The following EPHA4 variants were observed in gnomAD, a reference collection of about 807,000 sequenced individuals.
EPHA4 encodes ephrin type-A receptor 4.
Under a neutral mutation model 108.3 loss-of-function variants are expected in EPHA4, and 19 were observed. The observed-to-expected ratio is 0.18, with a 90% CI of 0.12 to 0.26. The LOEUF is 0.26. EPHA4 is among the 10% of genes least tolerant of loss of function. EPHA4 has a pLI of 1.00. For synonymous variants in EPHA4, 449 were observed against 455.5 expected, an observed-to-expected ratio of 0.99 and a Z score of 0.18; for missense variants, 917 against 1,254.0, an observed-to-expected ratio of 0.73 and a Z score of 4.06.
At chr2:221,449,643 C>T (rs1299830684) in intron 8 of EPHA4, among the ~76,000 whole-genome samples, 2 of 152,154 alleles carry the variant, frequency 1.3e-5, no homozygotes, top group Non-Finnish European at 2.9e-5. Context: ...TGCAGAACAG[C>T]GTGAGCCCTC....
At chr2:221,488,242 CT>C (rs1396531837) in intron 4 of EPHA4, among the ~76,000 whole-genome samples, 1 of 152,136 alleles carries the variant, frequency 6.6e-6, no homozygotes, top group Non-Finnish European at 1.5e-5. Flanking sequence ...AGCAAGGCAT[CT>C]TCTTTTTAGG....
chr2:221,550,995 T>C (rs1397829928), intron 3 of EPHA4, among the ~76,000 whole-genome samples: 3 of 152,084 alleles, frequency 2.0e-5, no homozygotes, highest in African/African-American at 7.2e-5. Context: ...AGAAAATAGA[T>C]CTGATATTAT....
chr2:221,493,428 A>C (rs1488332518), intron 4 of EPHA4, among the ~76,000 whole-genome samples: 2 of 152,146 alleles, frequency 1.3e-5, no homozygotes, highest in Non-Finnish European at 2.9e-5. Context: ...TGAGATTCCC[A>C]AAATTAAAGC....
intron 3 of EPHA4, among the ~76,000 whole-genome samples, chr2:221,545,346 A>G (rs1262183063): frequency 2.6e-5 from 4 of 151,942 alleles, no homozygotes; most frequent in African/African-American, 7.3e-5. Flanking sequence ...GCAGGTACCT[A>G]TAGTCCCAGC....
Position 221,459,354 on chromosome 2 carries a change from G to C in EPHA4, c.1319-1364C>G, listed in dbSNP as rs567026649. Reference sequence around the variant, plus strand: ...CTCTCTCAGTCCCAAAGCTATTCCAGATTGGATCTCAGGCAAAAACACAAG... The same window carrying C: ...CTCTCTCAGTCCCAAAGCTATTCCACATTGGATCTCAGGCAAAAACACAAG... On this transcript the variant is annotated intron_variant, in intron 5 of 17. Coordinates refer to ENST00000281821, the MANE Select transcript of EPHA4 (RefSeq NM_004438.5). 2.7e-5 allele frequency among the ~76,000 whole-genome samples: 4 copies of C among 149,110 alleles called. No individual in the cohort carries two copies. The Admixed American group carries it at 2.7e-4, about 10-fold the overall frequency.
In EPHA4 at chr2:221,442,852, T is replaced by C. The variant is rs754610340; in HGVS notation, c.2051A>G (p.His684Arg). 135 of 1,614,076 alleles carry C rather than the reference T, an allele frequency of 8.4e-5. No individual in the cohort carries two copies. The highest frequency in any genetic ancestry group is 1.0e-4 in the Non-Finnish European group (123 of 1,180,028). Residue 684 changes from histidine (H) to arginine (R), a missense_variant, in exon 11 of 18, where the codon CAC becomes CGC. Coordinates refer to ENST00000281821, the MANE Select transcript of EPHA4 (RefSeq NM_004438.5). The stretch of plus-strand genomic sequence containing the variant: ...ACATTTAGTGACCACGCCTTCCAAG[T>C]GAATGATGTTCGGATGGTCAAACTG... ...MGQFDHPNII[H>R]LEGVVTKCKP... is the part of the protein sequence containing the mutation.
At chr2:221,426,647 A>G in intron 15 of EPHA4, 28 bp from the exon 16 acceptor site, 1 of 1,594,994 alleles carries the variant, frequency 6.3e-7, no homozygotes, top group Non-Finnish European at 8.5e-7. Flanking sequence ...AAATATAAGC[A>G]GAACGGAGCT....
At chr2:221,498,296 G>GT (rs1692363510) in intron 4 of EPHA4, among the ~76,000 whole-genome samples, 1 of 152,180 alleles carries the variant, frequency 6.6e-6, no homozygotes, top group African/African-American at 2.4e-5. Flanking sequence ...TGCATGGAAA[G>GT]TAAGTGGGGG....
At chr2:221,527,363 GAGAGAAAA>G (rs1693368257) in intron 3 of EPHA4, among the ~76,000 whole-genome samples, 1 of 152,158 alleles carries the variant, frequency 6.6e-6, no homozygotes, top group Non-Finnish European at 1.5e-5. Context: ...AGAAGAAGGG[GAGAGAAAA>G]AGAGAAATAG....
chr2:221,548,386 C>T (rs899041906), intron 3 of EPHA4, among the ~76,000 whole-genome samples: 2 of 151,856 alleles, frequency 1.3e-5, no homozygotes, highest in Non-Finnish European at 1.5e-5. Context: ...GAGTCTGGGA[C>T]GTTGTCCTTC....
chr2:221,420,705 C>T (rs1442572835), intron 17 of EPHA4, among the ~76,000 whole-genome samples, 153 bp from the exon 18 acceptor site: 2 of 151,706 alleles, frequency 1.3e-5, no homozygotes, highest in African/African-American at 4.9e-5. Context: ...TTATACTTTC[C>T]TTTTCTGAAA....
intron 8 of EPHA4, among the ~76,000 whole-genome samples, chr2:221,453,083 C>T (rs1690835289): frequency 6.6e-6 from 1 of 152,100 alleles, no homozygotes; most frequent in Non-Finnish European, 1.5e-5. Context: ...AACAAAAAAG[C>T]AAAGTAAATC....
chr2:221,457,944 G>A lies in EPHA4; in HGVS notation c.1365C>T (p.Tyr455=). 6.2e-7 allele frequency: 1 copy of A among 1,613,802 alleles called. No homozygotes were observed. Among genetic ancestry groups the A allele is most frequent in the African/African-American group, 1.3e-5 (1 of 75,038 alleles). The stretch of plus-strand genomic sequence containing the variant: ...GTTCCAGCCAAGCCAGTGCCACACT[G>A]TATCTTGTGACTTCTTTAGCCTGGA... ...ALVQAKEVTR[Y]SVALAWLEPD... Residue 455 remains tyrosine, a synonymous_variant, in exon 6 of 18, where the codon TAC becomes TAT. Transcript: ENST00000281821.
intron 3 of EPHA4, among the ~76,000 whole-genome samples, chr2:221,515,765 C>T (rs773938841): frequency 7.9e-5 from 12 of 152,190 alleles, no homozygotes; most frequent in South Asian, 2.1e-4. Flanking sequence ...CTCAGTGAGC[C>T]GTGATTGTGC....
At chr2:221,442,702 C>A in intron 11 of EPHA4, 127 bp downstream of exon 11, 1 of 952,414 alleles carries the variant, frequency 1.0e-6, no homozygotes, top group Non-Finnish European at 1.6e-6. Context: ...ATGACTTGTC[C>A]TGCACTGATT....
At position 221,512,208 on chromosome 2, in the gene EPHA4, G is replaced by T. The variant is rs184778885; in HGVS notation, c.824-11036C>A. 1.8e-4 allele frequency among the ~76,000 whole-genome samples: 28 copies of T among 152,110 alleles called. No individual in the cohort carries two copies. The East Asian group carries it at 4.8e-3, about 26-fold the overall frequency. On this transcript the variant is annotated intron_variant, in intron 3 of 17. Transcript: ENST00000281821. ...TATGCTGAAGTTTATATTAGGAATA[G>T]AAACAAATGGATGCTAAAAATTAAA... is the stretch of plus-strand genomic sequence containing the variant.
chr2:221,427,588 A>G (rs947798644), intron 15 of EPHA4, among the ~76,000 whole-genome samples: 1 of 152,220 alleles, frequency 6.6e-6, no homozygotes, highest in African/African-American at 2.4e-5. Context: ...AAATACTGCT[A>G]CTTGTTAAGT....
At chr2:221,437,418 CA>C in intron 11 of EPHA4, 1 of 260,330 alleles carries the variant, frequency 3.8e-6, no homozygotes, top group African/African-American at 2.2e-5. Flanking sequence ...CTCTCTCAAG[CA>C]AAAGGGGAAA....
At chr2:221,512,173 G>C (rs539358206) in intron 3 of EPHA4, among the ~76,000 whole-genome samples, 21 of 152,234 alleles carry the variant, frequency 1.4e-4, no homozygotes, top group African/African-American at 4.8e-4. Flanking sequence ...AAGTAAACTT[G>C]TTTGCCTAAT....
Sources: gnomAD v4.1 joint callset for allele counts (sites outside exome capture counted in the v4.1 genomes callset) on GRCh38, gnomAD v4.1.1 for gene constraint, MANE v1.5 for transcripts, NCBI Gene and HGNC (gene_info 2026-07-23, HGNC 2026-07-21) for gene names.